ITPR2: variants seen among roughly 807,000 people sequenced by gnomAD.
ITPR2 encodes inositol 1,4,5-trisphosphate-gated calcium channel ITPR2.
Under a neutral mutation model 317.1 loss-of-function variants are expected in ITPR2, and 207 were observed. The observed-to-expected ratio is 0.65, with a 90% CI of 0.58 to 0.73. The LOEUF is 0.73. ITPR2 is among the 30% of genes least tolerant of loss of function. The pLI is 0.00. For synonymous variants in ITPR2, 1,156 were observed against 1,149.1 expected (o/e 1.01, Z -0.12); for missense variants, 2,613 against 3,284.0 (o/e 0.80, Z 4.99).
At chr12:26,633,729 T>C (rs1946802420) in intron 21 of ITPR2, among the ~76,000 whole-genome samples, 1 of 152,202 alleles carries the variant, frequency 6.6e-6, no homozygotes, top group Admixed American at 6.5e-5. Context: ...TTGTTGGCAA[T>C]GATTTTGAGC....
At chr12:26,670,171 T>C (rs1242689581) in intron 13 of ITPR2, among the ~76,000 whole-genome samples, 1 of 152,158 alleles carries the variant, frequency 6.6e-6, no homozygotes, top group Non-Finnish European at 1.5e-5. Flanking sequence ...TAAATGTCCC[T>C]GTCTGACAGC....
intron 31 of ITPR2, among the ~76,000 whole-genome samples, chr12:26,596,624 G>A (rs1367003890): frequency 6.9e-6 from 1 of 144,298 alleles, no homozygotes; most frequent in Non-Finnish European, 1.5e-5. Flanking sequence ...TCCAGCCTGG[G>A]CAACAGAGCA....
At chr12:26,497,184 C>T (rs1268694486) in intron 37 of ITPR2, among the ~76,000 whole-genome samples, 12 of 143,936 alleles carry the variant, frequency 8.3e-5, no homozygotes, top group South Asian at 2.2e-4. Flanking sequence ...GACGGAGTCT[C>T]GCTCTGTGGC....
In ITPR2 at chr12:26,832,776, A is replaced by C; in HGVS notation, c.6T>G (p.Thr2=). 1 of 1,600,094 alleles carries C rather than the reference A, an allele frequency of 6.2e-7. No individual in the cohort carries two copies. The highest frequency in any genetic ancestry group is 8.5e-7 in the Non-Finnish European group (1 of 1,173,624). ...TGTAGAGGAAGCTGGACATTTTCTC[A>C]GTCATGCTGCTTCATGTTCCACAGT... M[T]EKMSSFLYIG... The change falls in exon 1 of 57, where the codon ACT becomes ACG. Residue 2 remains threonine (T), a synonymous_variant. Coordinates refer to ENST00000381340, the MANE Select transcript of ITPR2 (RefSeq NM_002223.4).
intron 37 of ITPR2, among the ~76,000 whole-genome samples, chr12:26,497,356 G>A (rs796917794): frequency 2.1e-4 from 32 of 152,008 alleles, no homozygotes; most frequent in African/African-American, 5.5e-4. Context: ...TGGTTTCACC[G>A]TGTTGGCCAG....
At chr12:26,377,045 T>C (rs1939367482) in intron 55 of ITPR2, among the ~76,000 whole-genome samples, 1 of 152,118 alleles carries the variant, frequency 6.6e-6, no homozygotes, top group Non-Finnish European at 1.5e-5. Flanking sequence ...AAAGTAAAAA[T>C]TTGTAAGCAC....
chr12:26,573,157 G>A (rs1945204053), intron 34 of ITPR2, among the ~76,000 whole-genome samples: 1 of 152,022 alleles, frequency 6.6e-6, no homozygotes, highest in African/African-American at 2.4e-5. Context: ...TAAGTAGCTA[G>A]GACTACAGGT....
chr12:26,727,493 C>T (rs1401171254), intron 2 of ITPR2, among the ~76,000 whole-genome samples: 1 of 152,190 alleles, frequency 6.6e-6, no homozygotes, highest in Non-Finnish European at 1.5e-5. Context: ...TGGAAATGAT[C>T]CTTTAACAGA....
Position 26,593,373 on chromosome 12 carries a change from A to G in ITPR2, c.4380+2092T>C, listed in dbSNP as rs1186245116. Among the ~76,000 whole-genome samples the G allele has an allele frequency of 3.3e-5, 5 of 152,218 alleles. No individual in the cohort carries two copies. The East Asian group carries it at 7.7e-4, about 23-fold the overall frequency. ...ACTGAAAATTTACCTAGAAGGCCAC[A>G]TTCTATTCATTTAACCACACTTAGT... On this transcript the variant is annotated intron_variant, in intron 32 of 56. Transcript: ENST00000381340.
At chr12:26,776,784 AG>A (rs1949979690) in intron 2 of ITPR2, among the ~76,000 whole-genome samples, 1 of 152,216 alleles carries the variant, frequency 6.6e-6, no homozygotes, top group African/African-American at 2.4e-5. Context: ...AGGACCCCTT[AG>A]GCAGTTGCCA....
chr12:26,472,655 T>C (rs1011074046), intron 45 of ITPR2, among the ~76,000 whole-genome samples: 1 of 152,210 alleles, frequency 6.6e-6, no homozygotes, highest in African/African-American at 2.4e-5. Context: ...TTTGCATATG[T>C]CTATTCTCCT....
chr12:26,521,720 T>A (rs936888233), intron 37 of ITPR2, among the ~76,000 whole-genome samples: 1 of 152,304 alleles, frequency 6.6e-6, no homozygotes, highest in African/African-American at 2.4e-5. Flanking sequence ...TCATATCTCA[T>A]CTTTTAAAGA....
chr12:26,522,109 C>A (rs1436608242), intron 37 of ITPR2, among the ~76,000 whole-genome samples: 3 of 152,140 alleles, frequency 2.0e-5, no homozygotes, highest in Non-Finnish European at 2.9e-5. Flanking sequence ...AAAGAATAAA[C>A]TATGTTTTTA....
chr12:26,648,598 G>A (rs1445329654), intron 21 of ITPR2, among the ~76,000 whole-genome samples: 1 of 132,192 alleles, frequency 7.6e-6, no homozygotes, highest in Non-Finnish European at 1.6e-5. Flanking sequence ...TACAGTATGA[G>A]AGGAGTCCAT....
chr12:26,653,469 T>G (rs1947304411), intron 21 of ITPR2, among the ~76,000 whole-genome samples: 1 of 152,182 alleles, frequency 6.6e-6, no homozygotes, highest in African/African-American at 2.4e-5. Context: ...CTCGATCTCC[T>G]GACCTCATGA....
chr12:26,382,723 A>G (rs1939547086), intron 55 of ITPR2, among the ~76,000 whole-genome samples: 1 of 152,142 alleles, frequency 6.6e-6, no homozygotes, highest in Non-Finnish European at 1.5e-5. Flanking sequence ...TTAAGTTTTG[A>G]TTAATATTTC....
At chr12:26,344,252 G>GCT (rs1465645351) in intron 55 of ITPR2, among the ~76,000 whole-genome samples, 1 of 152,106 alleles carries the variant, frequency 6.6e-6, no homozygotes, top group Non-Finnish European at 1.5e-5. Context: ...CTAAGACAGG[G>GCT]CTCCTCTTGG....
chr12:26,346,134 A>G (rs948815212), intron 55 of ITPR2, among the ~76,000 whole-genome samples: 1 of 152,230 alleles, frequency 6.6e-6, no homozygotes, highest in African/African-American at 2.4e-5. Flanking sequence ...CAAAGATTCT[A>G]AAATGCAAAA....
At chr12:26,616,974 A>G (rs543686854) in intron 26 of ITPR2, among the ~76,000 whole-genome samples, 1 of 152,334 alleles carries the variant, frequency 6.6e-6, no homozygotes, top group South Asian at 2.1e-4. Context: ...TATTGTAAAA[A>G]TACACTACAT....
Sources: allele counts gnomAD v4.1 joint callset (sites outside exome capture counted in the v4.1 genomes callset), GRCh38; gene constraint gnomAD v4.1.1; transcripts MANE v1.5; gene names NCBI Gene and HGNC (gene_info 2026-07-23, HGNC 2026-07-21).